TBC1D7: variants seen among roughly 807,000 people sequenced by gnomAD.
TBC1D7 encodes the protein TBC1 domain family member 7.
A neutral mutation model predicts 35.3 loss-of-function variants in TBC1D7; 33 were observed. The ratio of observed to expected loss-of-function variants is 0.93; its 90% CI spans 0.71 to 1.25. The LOEUF (loss-of-function observed/expected upper bound fraction) is 1.25. Among genes scored for constraint, TBC1D7 ranks in the 50% most tolerant of loss-of-function variants. TBC1D7 has a pLI of 0.00. For synonymous variants in TBC1D7, 135 were observed against 129.5 expected (o/e 1.04, Z -0.29); for missense variants, 362 against 365.3 (o/e 0.99, Z 0.07).
chr6:13,312,154 T>C (rs561282579), intron 5 of TBC1D7, among the ~76,000 whole-genome samples: 48 of 152,258 alleles, frequency 3.2e-4, no homozygotes, highest in Admixed American at 2.7e-3. Context: ...ACAAAGATAA[T>C]ATGCTTGAAT....
At chr6:13,326,074 G>A (rs992144935) in intron 2 of TBC1D7, among the ~76,000 whole-genome samples, 2 of 152,122 alleles carry the variant, frequency 1.3e-5, no homozygotes, top group African/African-American at 2.4e-5. Context: ...CTTTAACTAC[G>A]GTTCAGTTTA....
At chr6:13,314,448 G>A (rs1488430009) in intron 5 of TBC1D7, among the ~76,000 whole-genome samples, 1 of 152,120 alleles carries the variant, frequency 6.6e-6, no homozygotes, top group Non-Finnish European at 1.5e-5. Flanking sequence ...TTAAAGAATA[G>A]CATAAACTAT....
chr6:13,310,594 T>C (rs13203254), intron 5 of TBC1D7, among the ~76,000 whole-genome samples: 44,009 of 146,282 alleles, frequency 0.3, 6,910 homozygotes, highest in South Asian at 0.44. Flanking sequence ...GCTGAGATTG[T>C]ACCACTGCAC....
intron 6 of TBC1D7, chr6:13,307,398 C>T (rs1441792385): frequency 2.4e-5 from 13 of 545,288 alleles, no homozygotes; most frequent in Admixed American, 2.3e-4. Flanking sequence ...CAGCATCTAA[C>T]GCACTGAGGG....
intron 3 of TBC1D7, among the ~76,000 whole-genome samples, chr6:13,322,931 A>G (rs1391014145): frequency 3.3e-5 from 5 of 152,222 alleles, no homozygotes; most frequent in Non-Finnish European, 7.3e-5. Context: ...AGTATCAGGA[A>G]GTAGGCATTT....
chr6:13,326,696 C>A, intron 2 of TBC1D7, 91 bp downstream of exon 2: 1 of 707,528 alleles, frequency 1.4e-6, no homozygotes, highest in East Asian at 3.0e-5. Context: ...AGCAAGTAAC[C>A]AATGCTTCTG....
chr6:13,305,142 A>C lies in TBC1D7; in HGVS notation c.841T>G (p.Leu281Val). The change falls in exon 8 of 8, where the codon TTG becomes GTG. Residue 281 changes from leucine to valine, a missense_variant. Leu to Val is a conservative substitution (Grantham distance 32, BLOSUM62 1). Coordinates refer to ENST00000379300, the MANE Select transcript of TBC1D7 (RefSeq NM_016495.6). ...GGGGTCCCACAGTGTTTGTGCCACA[A>C]GTCAATGGCCTTGCTCACGATCGCG... ...SDAIVSKAID[L>V]WHKHCGTPVH... The C allele has an allele frequency of 6.2e-7, 1 of 1,613,990 alleles. No homozygotes were observed. The highest frequency in any genetic ancestry group is 1.1e-5 in the South Asian group (1 of 91,076).
At chr6:13,315,158 T>A (rs1410660361) in intron 5 of TBC1D7, among the ~76,000 whole-genome samples, 1 of 152,174 alleles carries the variant, frequency 6.6e-6, no homozygotes, top group African/African-American at 2.4e-5. Flanking sequence ...AGTTGACCCC[T>A]GAACAACATG....
intron 7 of TBC1D7, 40 bp from the exon 8 acceptor site, chr6:13,305,227 T>C (rs755129855): frequency 6.3e-7 from 1 of 1,588,338 alleles, no homozygotes; most frequent in South Asian, 1.1e-5. Context: ...ATTTCAGTGT[T>C]GACAACTTCA....
chr6:13,325,391 G>T (rs759103895), intron 2 of TBC1D7, among the ~76,000 whole-genome samples: 1 of 152,208 alleles, frequency 6.6e-6, no homozygotes. Context: ...GGCCAGGCAC[G>T]GTGGCTCATG....
intron 5 of TBC1D7, among the ~76,000 whole-genome samples, chr6:13,308,589 T>C (rs1782974458): frequency 6.6e-6 from 1 of 152,204 alleles, no homozygotes; most frequent in Non-Finnish European, 1.5e-5. Flanking sequence ...TGGCTGAGAA[T>C]GGGCTCTAAG....
chr6:13,319,832 T>C (rs939559847), intron 4 of TBC1D7: 8 of 152,298 alleles, frequency 5.3e-5, no homozygotes, highest in South Asian at 4.1e-4. Context: ...AATAGGATGT[T>C]TACATAGCAG....
intron 5 of TBC1D7, among the ~76,000 whole-genome samples, chr6:13,315,665 C>T (rs999666185): frequency 2.6e-5 from 4 of 152,086 alleles, no homozygotes; most frequent in African/African-American, 9.7e-5. Flanking sequence ...TGCAGTGAGC[C>T]GAGACCATGC....
chr6:13,310,956 A>G (rs771835933), intron 5 of TBC1D7, among the ~76,000 whole-genome samples: 1 of 152,196 alleles, frequency 6.6e-6, no homozygotes, highest in Non-Finnish European at 1.5e-5. Context: ...ATTTATTATA[A>G]CCATAATTAT....
intron 5 of TBC1D7, among the ~76,000 whole-genome samples, chr6:13,310,640 A>AAAAAAAAAAAAAAAAAAAAAAAAAAAC (rs1783137857): frequency 6.7e-6 from 1 of 149,114 alleles, no homozygotes; most frequent in Admixed American, 6.8e-5. Context: ...TCCGTCTCAA[A>AAAAAAAAAAAAAAAAAAAAAAAAAAAC]AAAAAAAAAA....
intron 4 of TBC1D7, chr6:13,319,101 A>C (rs1783840538): frequency 6.6e-6 from 1 of 152,254 alleles, no homozygotes; most frequent in African/African-American, 2.4e-5. Flanking sequence ...ACAGACCCAA[A>C]TTGAGAAATG....
In TBC1D7 at chr6:13,305,043, C is replaced by T. The variant is rs1310687641; in HGVS notation, c.*58G>A. 5.8e-6 allele frequency: 8 copies of T among 1,384,480 alleles called. No individual in the cohort carries two copies. Among genetic ancestry groups the T allele is most frequent in the Non-Finnish European group, 5.9e-6 (6 of 1,013,400 alleles). 85.8% of individuals were successfully genotyped at this position (1,384,480 alleles called of 1,614,324 possible). ...TTCAATCAGTTTCCCAGATCACATG[C>T]CAAGAACACAATGCTCACTGTGGTG... is the stretch of plus-strand genomic sequence containing the variant. On this transcript the variant is annotated 3_prime_UTR_variant, in exon 8 of 8. Coordinates refer to ENST00000379300, the MANE Select transcript of TBC1D7 (RefSeq NM_016495.6).
rs549062038 is a variant in TBC1D7 at position 13,316,623 on chromosome 6, C to T, written c.467G>A (p.Arg156Gln). ...EDSVDCYWIT[R>Q]RFVNQLNTKY... The stretch of plus-strand genomic sequence containing the variant: ...GGTATTTAATTGGTTCACAAAGCGT[C>T]GGGTGATCCAGTAACAGTCGACACT... The change falls in exon 5 of 8, where the codon CGA becomes CAA. Residue 156 changes from arginine to glutamine, a missense_variant. By Grantham distance (43) the Arg-to-Gln change is conservative. Coordinates refer to ENST00000379300, the MANE Select transcript of TBC1D7 (RefSeq NM_016495.6). 63 of 1,613,762 alleles carry T rather than the reference C, an allele frequency of 3.9e-5. No individual in the cohort carries two copies. The highest frequency in any genetic ancestry group is 1.0e-4 in the Admixed American group (6 of 59,980).
intron 5 of TBC1D7, among the ~76,000 whole-genome samples, chr6:13,312,204 A>G (rs1314727384): frequency 6.6e-6 from 1 of 152,162 alleles, no homozygotes; most frequent in African/African-American, 2.4e-5. Context: ...ACTGCCTGAC[A>G]TGAAGTACAT....
Sources: allele counts gnomAD v4.1 joint callset (sites outside exome capture counted in the v4.1 genomes callset), GRCh38; gene constraint gnomAD v4.1.1; transcripts MANE v1.5; gene names NCBI Gene and HGNC (gene_info 2026-07-23, HGNC 2026-07-21).